Variants in FAM13A observed in about 807,000 individuals in gnomAD.
The protein encoded by FAM13A is protein FAM13A.
FAM13A carries 76 observed loss-of-function variants against 129.6 expected under a neutral mutation model. That is an observed-to-expected ratio of 0.59 (90% CI 0.49 to 0.71). The LOEUF is 0.71. FAM13A is among the 30% of genes least tolerant of loss of function. The pLI is 0.00. For synonymous variants in FAM13A, 443 were observed against 449.9 expected, an observed-to-expected ratio of 0.98 and a Z score of 0.20; for missense variants, 1,108 against 1,249.3, an observed-to-expected ratio of 0.89 and a Z score of 1.70.
chr4:88,975,691 G>C (rs186080862), intron 4 of FAM13A, among the ~76,000 whole-genome samples: 23 of 152,300 alleles, frequency 1.5e-4, no homozygotes, highest in Non-Finnish European at 3.1e-4. Flanking sequence ...TCTGCAAAGA[G>C]TATTCATTTT....
At chr4:88,874,955 G>A (rs1480396571) in intron 6 of FAM13A, among the ~76,000 whole-genome samples, 1 of 152,102 alleles carries the variant, frequency 6.6e-6, no homozygotes, top group Non-Finnish European at 1.5e-5. Context: ...ATAGATCAAT[G>A]GAACAGAACA....
Position 88,727,369 on chromosome 4 carries a change from T to C in FAM13A, c.*1164A>G, listed in dbSNP as rs1431206457. 1 of 152,624 alleles carries C rather than the reference T, an allele frequency of 6.6e-6. No homozygotes were observed. Among genetic ancestry groups the C allele is most frequent in the East Asian group, 1.9e-4 (1 of 5,192 alleles). The allele number at this position is 152,624 out of a possible 1,614,324, so 9.5% of individuals were successfully genotyped here. A position where few individuals can be genotyped will look rare whatever the true frequency, so the allele number is the denominator to read the frequency against. On this transcript the variant is annotated 3_prime_UTR_variant, in exon 24 of 24. Transcript: ENST00000264344. Reference sequence around the variant, plus strand: ...CCTGGTCCCTCCAAAATGTCTAATATAGACAGTTTTGTGACAAAGTCTTTG... The same window carrying C: ...CCTGGTCCCTCCAAAATGTCTAATACAGACAGTTTTGTGACAAAGTCTTTG...
At chr4:88,794,130 A>C (rs1168605864) in intron 8 of FAM13A, among the ~76,000 whole-genome samples, 1 of 151,898 alleles carries the variant, frequency 6.6e-6, no homozygotes, top group African/African-American at 2.4e-5. Context: ...TGCTAAGAAA[A>C]TTTCTTACTT....
chr4:88,771,952 G>T (rs1720762854), intron 11 of FAM13A, among the ~76,000 whole-genome samples: 2 of 152,164 alleles, frequency 1.3e-5, no homozygotes, highest in Non-Finnish European at 2.9e-5. Context: ...TTAGATTGTG[G>T]AATTTGTTTT....
At chr4:89,048,381 C>T (rs1439455637) in intron 1 of FAM13A, among the ~76,000 whole-genome samples, 1 of 152,064 alleles carries the variant, frequency 6.6e-6, no homozygotes, top group Non-Finnish European at 1.5e-5. Flanking sequence ...CACAAGAGAA[C>T]ATATAAGTTC....
At position 88,725,977 on chromosome 4, in the gene FAM13A, T is replaced by G. The variant is rs570330382; in HGVS notation, c.*2556A>C. On this transcript the variant is annotated 3_prime_UTR_variant, in exon 24 of 24. Transcript: ENST00000264344. ...TATGAAAATTATAAGTCTGCACTCT[T>G]TAATTCTTAAGTTTACTTACACTTA... is the stretch of plus-strand genomic sequence containing the variant. The G allele has an allele frequency of 3.4e-5, 5 of 146,650 alleles. No homozygotes were observed. The East Asian group carries it at 1.0e-3, about 30-fold the overall frequency. 9.1% of individuals were successfully genotyped at this position (146,650 alleles called of 1,614,324 possible).
At chr4:88,950,957 AG>A (rs891772326) in intron 4 of FAM13A, among the ~76,000 whole-genome samples, 42 of 152,300 alleles carry the variant, frequency 2.8e-4, no homozygotes, top group African/African-American at 1.0e-3. Context: ...CATTAGATAG[AG>A]CAACTAAAAT....
intron 4 of FAM13A, among the ~76,000 whole-genome samples, chr4:88,964,511 A>G (rs751893906): frequency 6.6e-5 from 10 of 150,954 alleles, no homozygotes; most frequent in Non-Finnish European, 1.3e-4. Flanking sequence ...ATTAAACTAG[A>G]TTTTTCTGGA....
intron 8 of FAM13A, among the ~76,000 whole-genome samples, chr4:88,804,481 C>A (rs1169637021): frequency 6.6e-6 from 1 of 152,054 alleles, no homozygotes. Flanking sequence ...CATTCAATCA[C>A]CAGAGAGAGG....
intron 7 of FAM13A, among the ~76,000 whole-genome samples, chr4:88,845,586 T>C (rs1356074005): frequency 6.6e-6 from 1 of 152,098 alleles, no homozygotes; most frequent in Non-Finnish European, 1.5e-5. Context: ...ATACATTTAC[T>C]ATAATGAATT....
Position 88,980,853 on chromosome 4 carries a change from T to C in FAM13A, c.605+10120A>G, listed in dbSNP as rs115226823. ...TCATGTTCGTGTCTACAAATTTAGC[T>C]GATATCATTTAATATTTAATGGTGT... On this transcript the variant is annotated intron_variant, in intron 4 of 23. Transcript: ENST00000264344. 6.2e-3 allele frequency among the ~76,000 whole-genome samples: 952 copies of C among 152,328 alleles called. 14 individuals are homozygous for C. Among genetic ancestry groups the C allele is most frequent in the African/African-American group, 0.022 (910 of 41,568 alleles).
chr4:88,943,290 C>T (rs767388148), intron 4 of FAM13A, among the ~76,000 whole-genome samples: 23 of 152,112 alleles, frequency 1.5e-4, no homozygotes, highest in Non-Finnish European at 2.2e-4. Flanking sequence ...ATCAATTAGG[C>T]TTATCTGAGA....
chr4:89,040,784 G>A (rs1770011420), intron 1 of FAM13A, among the ~76,000 whole-genome samples: 1 of 152,200 alleles, frequency 6.6e-6, no homozygotes, highest in African/African-American at 2.4e-5. Flanking sequence ...TTGTTCCTGA[G>A]TGTGTCTGTG....
chr4:89,055,927 G>A (rs752012012), intron 1 of FAM13A, among the ~76,000 whole-genome samples: 50 of 152,264 alleles, frequency 3.3e-4, no homozygotes, highest in Non-Finnish European at 5.1e-4. Flanking sequence ...ACCATTTGGT[G>A]TCTGTGTGTC....
intron 5 of FAM13A, among the ~76,000 whole-genome samples, chr4:88,927,422 A>C (rs541180410): frequency 6.8e-6 from 1 of 147,154 alleles, no homozygotes; most frequent in East Asian, 2.0e-4. Flanking sequence ...ACTCTACTCC[A>C]ATTTGGATGT....
chr4:88,770,322 C>G (rs1720402178), intron 11 of FAM13A, among the ~76,000 whole-genome samples: 1 of 152,184 alleles, frequency 6.6e-6, no homozygotes, highest in Admixed American at 6.5e-5. Context: ...CATTGGTAAT[C>G]TTCAACAGAT....
intron 5 of FAM13A, among the ~76,000 whole-genome samples, chr4:88,912,564 T>A (rs866408251): frequency 2.3e-5 from 2 of 87,292 alleles, no homozygotes; most frequent in African/African-American, 1.0e-4. Context: ...TTTACACACA[T>A]ACATACACAC....
chr4:88,738,488 C>A (rs972726377), intron 20 of FAM13A, among the ~76,000 whole-genome samples: 4 of 152,132 alleles, frequency 2.6e-5, no homozygotes, highest in Admixed American at 1.3e-4. Context: ...CCAAAAGCAG[C>A]AAAGTTTAAG....
chr4:88,815,468 A>G (rs922153394), intron 7 of FAM13A, among the ~76,000 whole-genome samples: 6 of 152,230 alleles, frequency 3.9e-5, no homozygotes, highest in Non-Finnish European at 7.3e-5. Flanking sequence ...TTTAGCAACA[A>G]TATTCTAAGT....
Sources: allele counts gnomAD v4.1 joint callset (sites outside exome capture counted in the v4.1 genomes callset), GRCh38; gene constraint gnomAD v4.1.1; transcripts MANE v1.5; gene names NCBI Gene and HGNC (gene_info 2026-07-23, HGNC 2026-07-21).